Variants in ITGB6 observed in about 807,000 individuals in gnomAD.
ITGB6 encodes integrin subunit beta 6.
Under a neutral mutation model 84.5 loss-of-function variants are expected in ITGB6, and 80 were observed. The observed-to-expected ratio is 0.95, with a 90% CI of 0.79 to 1.14. ITGB6 has a LOEUF of 1.14. Ranked by LOEUF, ITGB6 falls within the 50% of genes most tolerant of loss-of-function variation. The pLI is 0.00. For missense variants in ITGB6, 1,006 were observed against 968.0 expected (o/e 1.04, Z -0.52); for synonymous variants, 383 against 354.9 (o/e 1.08, Z -0.89).
Position 160,137,580 on chromosome 2 carries a change from G to T in ITGB6, c.1514C>A (p.Ala505Asp). The change falls in exon 10 of 15, where the codon GCC (alanine) becomes GAC (aspartate). Residue 505 changes from alanine to aspartate, a missense_variant. Ala to Asp is a moderately radical substitution (Grantham distance 126). Coordinates refer to ENST00000283249, the MANE Select transcript of ITGB6 (RefSeq NM_000888.5). Reference protein sequence around the residue: ...DMLSTDSCKEAPDHPSCSGRG... With the variant: ...DMLSTDSCKEDPDHPSCSGRG... ...TCCGCTGCAGGAGGGATGATCTGGG[G>T]CCTCCTTGCAGGAATCTGTGCTCAG... 1 of 1,614,184 alleles carries T rather than the reference G, an allele frequency of 6.2e-7. No individual in the cohort carries two copies. Among genetic ancestry groups the T allele is most frequent in the Non-Finnish European group, 8.5e-7 (1 of 1,180,024 alleles).
At chr2:160,152,125 G>A (rs1559160567) in intron 7 of ITGB6, among the ~76,000 whole-genome samples, 1 of 151,968 alleles carries the variant, frequency 6.6e-6, no homozygotes, top group Non-Finnish European at 1.5e-5. Context: ...GATAGCAAAG[G>A]CTGGCAGAGA....
rs1039747127 is a variant in ITGB6, at chr2:160,148,640, C to T, written c.1018-6569G>A. Among the ~76,000 whole-genome samples the T allele has an allele frequency of 7.2e-5, 11 of 152,262 alleles. No homozygotes were observed. The East Asian group carries it at 7.7e-4, about 11-fold the overall frequency. On this transcript the variant is annotated intron_variant, in intron 7 of 14. Coordinates refer to ENST00000283249, the MANE Select transcript of ITGB6 (RefSeq NM_000888.5). ...TGACAGAGGGTGAGCAGAAGCAGGG[C>T]GGGGCATTGCCTCACCCGGGAAGTG...
At chr2:160,199,124 A>C in intron 2 of ITGB6, 55 bp downstream of exon 2, 2 of 1,379,360 alleles carry the variant, frequency 1.4e-6, no homozygotes, top group Admixed American at 3.4e-5. Context: ...GAGGAAATTA[A>C]CATGAATTTA....
At chr2:160,116,010 T>C (rs1450408675) in intron 12 of ITGB6, among the ~76,000 whole-genome samples, 1 of 146,356 alleles carries the variant, frequency 6.8e-6, no homozygotes, top group Admixed American at 6.9e-5. Context: ...TATGGGACTA[T>C]GTGAAAAGAC....
intron 10 of ITGB6, among the ~76,000 whole-genome samples, chr2:160,131,075 C>T (rs1272774311): frequency 6.6e-6 from 1 of 151,534 alleles, no homozygotes; most frequent in Non-Finnish European, 1.5e-5. Flanking sequence ...CATACAATAA[C>T]AACAACAACA....
chr2:160,141,343 T>C (rs1384138500), intron 8 of ITGB6, among the ~76,000 whole-genome samples: 1 of 152,108 alleles, frequency 6.6e-6, no homozygotes, highest in Non-Finnish European at 1.5e-5. Context: ...AATGGAGTTA[T>C]GAAATGGAGA....
rs779056066 is a variant in ITGB6, at chr2:160,112,089, T to C, written c.2092A>G (p.Asn698Asp). 2 of 1,612,598 alleles carry C rather than the reference T, an allele frequency of 1.2e-6. No homozygotes were observed. The highest frequency in any genetic ancestry group is 1.7e-6 in the Non-Finnish European group (2 of 1,179,694). The change falls in exon 13 of 15, where the codon AAT (asparagine) becomes GAT (aspartate). Residue 698 changes from asparagine to aspartate, a missense_variant. Asn to Asp is a conservative substitution (Grantham distance 23). Transcript: ENST00000283249. The part of the protein sequence containing the change: ...NEGKTIIHSI[N>D]EKDCPKPPNI... ...AAGGCAAAACACCCACCTTTTTCAT[T>C]GATGCTGTGAATGATGGTTTTCCCC... is the stretch of plus-strand genomic sequence containing the variant.
intron 4 of ITGB6, among the ~76,000 whole-genome samples, chr2:160,186,097 C>T (rs1685884848): frequency 6.6e-6 from 1 of 151,906 alleles, no homozygotes; most frequent in African/African-American, 2.4e-5. Context: ...AAAGCCATGG[C>T]AATAAAAGTC....
Position 160,111,984 on chromosome 2 carries a change from T to A in ITGB6, c.2101+96A>T, listed in dbSNP as rs547931413. ...AAACTTCATCAAAATTTTGGAAATGTCTTTCCTGGCATGCTACCCAGAGCG... is the reference window on the plus strand; with the variant it reads ...AAACTTCATCAAAATTTTGGAAATGACTTTCCTGGCATGCTACCCAGAGCG... On this transcript the variant is annotated intron_variant, in intron 13 of 14. Coordinates refer to ENST00000283249, the MANE Select transcript of ITGB6 (RefSeq NM_000888.5). 10 of 1,268,616 alleles carry A rather than the reference T, an allele frequency of 7.9e-6. No homozygotes were observed. In the East Asian group the frequency reaches 2.1e-4, roughly 27 times the overall value. 78.6% of individuals were successfully genotyped at this position (1,268,616 alleles called of 1,614,324 possible). A position where few individuals can be genotyped will look rare whatever the true frequency, so the allele number is the denominator to read the frequency against.
chr2:160,170,689 T>C (rs747266814), intron 6 of ITGB6, among the ~76,000 whole-genome samples: 4 of 152,162 alleles, frequency 2.6e-5, no homozygotes, highest in Non-Finnish European at 4.4e-5. Flanking sequence ...GGCCTGAGTT[T>C]TGAGTACACA....
chr2:160,119,626 A>G (rs977835383), intron 12 of ITGB6, among the ~76,000 whole-genome samples: 4 of 152,132 alleles, frequency 2.6e-5, no homozygotes, highest in African/African-American at 9.7e-5. Flanking sequence ...CATGTCTAAA[A>G]CACCAAAAGC....
intron 7 of ITGB6, among the ~76,000 whole-genome samples, chr2:160,142,975 G>A (rs1393339876): frequency 6.6e-6 from 1 of 152,180 alleles, no homozygotes; most frequent in African/African-American, 2.4e-5. Flanking sequence ...TGAAGGAATA[G>A]AGTTATACTT....
At chr2:160,176,363 T>C (rs371718235) in intron 4 of ITGB6, among the ~76,000 whole-genome samples, 33 of 152,284 alleles carry the variant, frequency 2.2e-4, no homozygotes, top group African/African-American at 7.9e-4. Context: ...GCCCACTAGG[T>C]CTCTCTGTCC....
chr2:160,146,112 T>A (rs2105830440), intron 7 of ITGB6, among the ~76,000 whole-genome samples: 1 of 142,514 alleles, frequency 7.0e-6, no homozygotes, highest in East Asian at 2.0e-4. Context: ...GGCATGCCCC[T>A]CATTTGAGGC....
At chr2:160,138,732 T>G (rs766827665) in intron 8 of ITGB6, among the ~76,000 whole-genome samples, 3 of 152,218 alleles carry the variant, frequency 2.0e-5, no homozygotes, top group Non-Finnish European at 2.9e-5. Context: ...ATTTGCTTCA[T>G]TGATAACAAA....
intron 4 of ITGB6, among the ~76,000 whole-genome samples, chr2:160,190,098 A>G (rs1457963670): frequency 6.6e-6 from 1 of 151,926 alleles, no homozygotes; most frequent in Admixed American, 6.6e-5. Flanking sequence ...GCAAACTATC[A>G]CAAGGACAGA....
chr2:160,115,228 T>C (rs111498333), intron 12 of ITGB6, among the ~76,000 whole-genome samples: 4,153 of 152,320 alleles, frequency 0.027, 77 homozygotes, highest in South Asian at 0.077. Flanking sequence ...CCGAACAGCC[T>C]AACTGGGAGG....
At chr2:160,125,068 C>A (rs1253255419) in intron 11 of ITGB6, among the ~76,000 whole-genome samples, 1 of 152,196 alleles carries the variant, frequency 6.6e-6, no homozygotes, top group Non-Finnish European at 1.5e-5. Context: ...ATAGCACTCT[C>A]TATTTCCCCT....
rs1684615357 is a variant in ITGB6 at position 160,156,188 on chromosome 2, G to T, written c.1017+13024C>A. 2.0e-5 allele frequency among the ~76,000 whole-genome samples: 3 copies of T among 152,158 alleles called. No homozygotes were observed. In the South Asian group the frequency reaches 6.2e-4, roughly 32 times the overall value. On this transcript the variant is annotated intron_variant, in intron 7 of 14. Transcript: ENST00000283249. ...AGAAAGTGCAGGTAATTCTGAAAGGGGCTCAGTTCTGTTGGGTATTTGACC... is the reference window on the plus strand; with the variant it reads ...AGAAAGTGCAGGTAATTCTGAAAGGTGCTCAGTTCTGTTGGGTATTTGACC...
Sources: allele counts gnomAD v4.1 joint callset (sites outside exome capture counted in the v4.1 genomes callset), GRCh38; gene constraint gnomAD v4.1.1; transcripts MANE v1.5; gene names NCBI Gene and HGNC (gene_info 2026-07-23, HGNC 2026-07-21).